MNAT1: variants seen among roughly 807,000 people sequenced by gnomAD.
MNAT1 encodes the protein MNAT1 component of CDK activating kinase.
MNAT1 carries 43 observed loss-of-function variants against 42.0 expected under a neutral mutation model. That is an observed-to-expected ratio of 1.02 (90% CI 0.80 to 1.32). The LOEUF is 1.32. MNAT1 is among the 40% of genes most tolerant of loss of function. The pLI, the probability that MNAT1 is intolerant of heterozygous loss-of-function variation, is 0.00. For synonymous variants in MNAT1, 118 were observed against 120.0 expected (o/e 0.98, Z 0.11); for missense variants, 306 against 350.4 (o/e 0.87, Z 1.01).
At chr14:60,767,404 T>C (rs60961683) in intron 1 of MNAT1, among the ~76,000 whole-genome samples, 1 of 152,134 alleles carries the variant, frequency 6.6e-6, no homozygotes, top group South Asian at 2.1e-4. Context: ...GGGATCTTTT[T>C]TGGATACTCT....
chr14:60,902,887 GT>G (rs1185055948), intron 7 of MNAT1, among the ~76,000 whole-genome samples: 1 of 151,684 alleles, frequency 6.6e-6, no homozygotes, highest in East Asian at 1.9e-4. Context: ...AATTCTAATA[GT>G]TTCTATACCT....
intron 7 of MNAT1, among the ~76,000 whole-genome samples, chr14:60,911,392 T>C (rs2035358117): frequency 6.6e-6 from 1 of 152,210 alleles, no homozygotes; most frequent in South Asian, 2.1e-4. Context: ...CTCTTGCTTC[T>C]CTAGTTCTTT....
chr14:60,805,110 A>C (rs2032326119), intron 3 of MNAT1, among the ~76,000 whole-genome samples: 1 of 152,172 alleles, frequency 6.6e-6, no homozygotes, highest in African/African-American at 2.4e-5. Context: ...TTTTAGTTAA[A>C]TCTATAATTA....
intron 7 of MNAT1, among the ~76,000 whole-genome samples, chr14:60,962,113 C>T (rs1225879375): frequency 6.6e-6 from 1 of 151,818 alleles, no homozygotes; most frequent in African/African-American, 2.4e-5. Flanking sequence ...AGTCATTATT[C>T]TGAATAAATT....
intron 1 of MNAT1, among the ~76,000 whole-genome samples, chr14:60,752,439 T>C (rs546479326): frequency 6.6e-6 from 1 of 152,316 alleles, no homozygotes; most frequent in Non-Finnish European, 1.5e-5. Flanking sequence ...TGCCACAAGA[T>C]AATATTAAAA....
At position 60,734,931 on chromosome 14, in the gene MNAT1, G is replaced by T; in HGVS notation, c.69G>T (p.Val23=). The change falls in exon 1 of 8, where the codon GTG becomes GTT. Residue 23 remains valine, a synonymous_variant. Transcript: ENST00000261245. The surrounding 1 kb of genome is among the most constrained non-coding windows in gnomAD (Gnocchi z 4.3). Reference sequence around the variant, plus strand: ...GGAACCCCTCCTTGAAGCTGATGGTGAATGTGTGCGGACACACTCTGTGAG... The same window carrying T: ...GGAACCCCTCCTTGAAGCTGATGGTTAATGTGTGCGGACACACTCTGTGAG... ...KYRNPSLKLM[V]NVCGHTLCES... The T allele has an allele frequency of 6.2e-7, 1 of 1,614,208 alleles. No homozygotes were observed. Among genetic ancestry groups the T allele is most frequent in the South Asian group, 1.1e-5 (1 of 91,082 alleles).
chr14:60,772,841 G>A (rs1016669646), intron 1 of MNAT1, among the ~76,000 whole-genome samples: 2 of 151,570 alleles, frequency 1.3e-5, no homozygotes, highest in South Asian at 2.1e-4. Flanking sequence ...AAGGCTTTGA[G>A]GTGTCTGAAT....
rs772634625 is a variant in MNAT1 at position 60,811,969 on chromosome 14, T to C, written c.421-18T>C. The C allele has an allele frequency of 1.3e-6, 2 of 1,551,438 alleles. No homozygotes were observed. Among genetic ancestry groups the C allele is most frequent in the Admixed American group, 2.1e-5 (1 of 48,080 alleles). On this transcript the variant is annotated intron_variant, in intron 4 of 7. Coordinates refer to ENST00000261245, the MANE Select transcript of MNAT1 (RefSeq NM_002431.4). The stretch of plus-strand genomic sequence containing the variant: ...GCTCCTAAATTTATTCCACGCCATA[T>C]ATAAATTTTTGTTTTAGACTCGAGA...
At chr14:60,887,175 T>G (rs906495913) in intron 7 of MNAT1, among the ~76,000 whole-genome samples, 13 of 151,732 alleles carry the variant, frequency 8.6e-5, no homozygotes, top group Middle Eastern at 3.4e-3. Context: ...TTGCATTTTT[T>G]TTGTTGTTGT....
chr14:60,736,973 T>G (rs117244213), intron 1 of MNAT1, among the ~76,000 whole-genome samples: 1 of 152,190 alleles, frequency 6.6e-6, no homozygotes, highest in Non-Finnish European at 1.5e-5. Context: ...CAATAATGAT[T>G]AGCTTTAAAT....
chr14:60,822,620 G>A (rs1259193075), intron 6 of MNAT1, among the ~76,000 whole-genome samples: 1 of 99,912 alleles, frequency 1.0e-5, no homozygotes, highest in African/African-American at 3.4e-5. Context: ...TTTTTTTTTT[G>A]GAGAGGAGGC....
intron 1 of MNAT1, among the ~76,000 whole-genome samples, chr14:60,743,884 G>C (rs1896542323): frequency 6.6e-6 from 1 of 151,904 alleles, no homozygotes; most frequent in African/African-American, 2.4e-5. Flanking sequence ...TCATCCAATA[G>C]ATTTTTCATT....
chr14:60,959,760 C>G (rs143661267), intron 7 of MNAT1, among the ~76,000 whole-genome samples: 287 of 152,214 alleles, frequency 1.9e-3, no homozygotes, highest in African/African-American at 6.7e-3. Context: ...GTGAAGAAAA[C>G]GAAGGCTGGG....
chr14:60,891,452 G>A (rs1450207787), intron 7 of MNAT1, among the ~76,000 whole-genome samples: 1 of 149,620 alleles, frequency 6.7e-6, no homozygotes, highest in Non-Finnish European at 1.5e-5. Flanking sequence ...TTCTTGTTTT[G>A]TTTGTTTTTT....
chr14:60,935,947 T>C (rs145297764), intron 7 of MNAT1, among the ~76,000 whole-genome samples: 288 of 152,156 alleles, frequency 1.9e-3, no homozygotes, highest in African/African-American at 6.8e-3. Flanking sequence ...AACAGGATAT[T>C]ATTAGGCTAA....
At chr14:60,751,074 G>A (rs771860076) in intron 1 of MNAT1, among the ~76,000 whole-genome samples, 84 of 151,676 alleles carry the variant, frequency 5.5e-4, no homozygotes, top group Non-Finnish European at 8.7e-4. Context: ...CTTTCTAGTT[G>A]TATTTTATGT....
At chr14:60,819,171 A>G (rs2032806836) in intron 6 of MNAT1, among the ~76,000 whole-genome samples, 1 of 152,112 alleles carries the variant, frequency 6.6e-6, no homozygotes, top group African/African-American at 2.4e-5. Context: ...ATGAAATGGG[A>G]AAGCAAATGT....
chr14:60,777,487 A>G (rs866248966), intron 1 of MNAT1, among the ~76,000 whole-genome samples: 2 of 150,996 alleles, frequency 1.3e-5, no homozygotes, highest in East Asian at 4.0e-4. Context: ...TTGATGTAGC[A>G]TAAGCAGTCC....
intron 7 of MNAT1, among the ~76,000 whole-genome samples, chr14:60,908,173 A>G (rs1396395354): frequency 6.6e-6 from 1 of 152,178 alleles, no homozygotes; most frequent in Non-Finnish European, 1.5e-5. Flanking sequence ...TTAAAAAATT[A>G]ATAGATATTT....
Sources: allele counts gnomAD v4.1 joint callset (sites outside exome capture counted in the v4.1 genomes callset), GRCh38; gene constraint gnomAD v4.1.1; non-coding constraint Gnocchi (gnomAD v3.1); transcripts MANE v1.5; gene names NCBI Gene and HGNC (gene_info 2026-07-23, HGNC 2026-07-21).